Variants in LRRC37A2 observed in about 807,000 individuals in gnomAD.
The protein encoded by LRRC37A2 is leucine rich repeat containing 37 member A2.
A neutral mutation model predicts 68.8 loss-of-function variants in LRRC37A2; 9 were observed. The observed-to-expected ratio is 0.13, with a 90% CI of 0.08 to 0.23. The LOEUF (loss-of-function observed/expected upper bound fraction) is 0.23. LRRC37A2 is among the 10% of genes least tolerant of loss of function. LRRC37A2 has a pLI of 1.00. For missense variants in LRRC37A2, 168 were observed against 950.4 expected (o/e 0.18, Z 10.82); for synonymous variants, 63 against 367.6 (o/e 0.17, Z 9.48).
At chr17:46,881,890 A>G in the LRRC37A2 span, among the ~76,000 whole-genome samples, 5 of 152,258 alleles carry the variant, frequency 3.3e-5, no homozygotes, top group Admixed American at 3.3e-4. Context: ...ATTCTCCAAC[A>G]GAACCACAAG....
chr17:46,928,840 A>G, the LRRC37A2 span, among the ~76,000 whole-genome samples: 1 of 152,072 alleles, frequency 6.6e-6, no homozygotes, highest in Non-Finnish European at 1.5e-5. Flanking sequence ...TCACCAAATG[A>G]TGTCTCCCTT....
the LRRC37A2 span, chr17:46,940,601 A>G: frequency 6.2e-7 from 1 of 1,614,168 alleles, no homozygotes. Flanking sequence ...GAAGGTCTGC[A>G]GGGAGCAGCT....
the LRRC37A2 span, chr17:46,930,094 T>A: frequency 6.4e-6 from 1 of 155,912 alleles, no homozygotes; most frequent in Admixed American, 6.1e-5. Context: ...TTTTCTGAGT[T>A]GGTCATATGG....
At chr17:47,026,979 C>T in the LRRC37A2 span, among the ~76,000 whole-genome samples, 1 of 152,118 alleles carries the variant, frequency 6.6e-6, no homozygotes, top group African/African-American at 2.4e-5. Flanking sequence ...GGTGCAATCT[C>T]GGCTCACTGC....
chr17:46,834,673 C>A, the LRRC37A2 span, among the ~76,000 whole-genome samples: 5 of 152,174 alleles, frequency 3.3e-5, no homozygotes, highest in Non-Finnish European at 7.3e-5. Context: ...CCTTCCCTGT[C>A]CTCTGTCACA....
chr17:46,770,748 G>C, the LRRC37A2 span, among the ~76,000 whole-genome samples: 1 of 152,308 alleles, frequency 6.6e-6, no homozygotes, highest in Non-Finnish European at 1.5e-5. Context: ...CCCTGGTTCT[G>C]TCCCAGGGTC....
chr17:46,704,484 CTTAT>C, the LRRC37A2 span, among the ~76,000 whole-genome samples: 60 of 120,128 alleles, frequency 5.0e-4, no homozygotes, highest in African/African-American at 1.9e-3. Flanking sequence ...TTTTCATGTG[CTTAT>C]TTAAGGCCAT....
the LRRC37A2 span, among the ~76,000 whole-genome samples, chr17:46,784,016 G>A: frequency 1.3e-5 from 2 of 152,194 alleles, no homozygotes; most frequent in Non-Finnish European, 2.9e-5. Flanking sequence ...TCTGGGGCCT[G>A]GGGATCCATT....
chr17:46,976,361 G>A, the LRRC37A2 span, among the ~76,000 whole-genome samples: 1 of 150,930 alleles, frequency 6.6e-6, no homozygotes, highest in African/African-American at 2.4e-5. Context: ...GGTGAAACCC[G>A]GTCTCTACTA....
chr17:46,997,862 C>T, the LRRC37A2 span, among the ~76,000 whole-genome samples: 22 of 151,234 alleles, frequency 1.5e-4, no homozygotes, highest in African/African-American at 5.3e-4. Context: ...CCCAGCTACT[C>T]GGGAGGCTGA....
chr17:46,980,560 C>T, the LRRC37A2 span, among the ~76,000 whole-genome samples: 1 of 151,442 alleles, frequency 6.6e-6, no homozygotes, highest in African/African-American at 2.4e-5. Context: ...CGGTGGCTCA[C>T]GCCTGTAATC....
chr17:46,938,350 T>C, the LRRC37A2 span, among the ~76,000 whole-genome samples: 1 of 152,206 alleles, frequency 6.6e-6, no homozygotes, highest in African/African-American at 2.4e-5. Context: ...TGTGATATTA[T>C]ATAGTCAGTC....
chr17:46,835,827 C>T, the LRRC37A2 span, among the ~76,000 whole-genome samples: 1 of 152,222 alleles, frequency 6.6e-6, no homozygotes, highest in African/African-American at 2.4e-5. Context: ...CTTCACTCCC[C>T]ACCTCTGCAC....
the LRRC37A2 span, among the ~76,000 whole-genome samples, chr17:47,037,451 A>C: frequency 3.9e-5 from 6 of 152,162 alleles, no homozygotes; most frequent in Non-Finnish European, 7.4e-5. Context: ...TTGTAGTGAA[A>C]CCATAGATCA....
chr17:46,817,699 T>G, the LRRC37A2 span, among the ~76,000 whole-genome samples: 2 of 151,200 alleles, frequency 1.3e-5, no homozygotes, highest in South Asian at 2.1e-4. Flanking sequence ...TATCCACATT[T>G]CTCAGGGACG....
the LRRC37A2 span, chr17:46,941,296 T>C: frequency 4.1e-6 from 4 of 985,738 alleles, no homozygotes; most frequent in Non-Finnish European, 4.8e-6. Flanking sequence ...ATTTGCAAAT[T>C]TGGATTTACA....
At chr17:46,968,529 A>G in the LRRC37A2 span, among the ~76,000 whole-genome samples, 67,380 of 151,776 alleles carry the variant, frequency 0.44, 15,156 homozygotes, top group South Asian at 0.52. Flanking sequence ...GAAGAGCACC[A>G]TGCCAAGCTC....
chr17:46,747,342 G>A, the LRRC37A2 span, among the ~76,000 whole-genome samples: 1 of 152,170 alleles, frequency 6.6e-6, no homozygotes, highest in Non-Finnish European at 1.5e-5. Context: ...GTGCAGTGGT[G>A]CCATCTCGGC....
the LRRC37A2 span, among the ~76,000 whole-genome samples, chr17:46,841,890 G>T: frequency 0.053 from 8,021 of 152,294 alleles, 696 homozygotes; most frequent in African/African-American, 0.18. Context: ...GCGCTCCTCT[G>T]CGGTGTGTGG....
Sources: allele counts gnomAD v4.1 joint callset (sites outside exome capture counted in the v4.1 genomes callset), GRCh38; gene constraint gnomAD v4.1.1; transcripts MANE v1.5; gene names NCBI Gene and HGNC (gene_info 2026-07-23, HGNC 2026-07-21).